PTPRK: variants seen among roughly 807,000 people sequenced by gnomAD.
PTPRK encodes the protein protein tyrosine phosphatase receptor type K.
In PTPRK, 75 loss-of-function variants were observed where a neutral mutation model predicts 178.0. The observed-to-expected ratio is 0.42, with a 90% CI of 0.35 to 0.51. The LOEUF is 0.51. Among genes scored for constraint, PTPRK ranks in the 20% least tolerant of loss-of-function variants. PTPRK has a pLI of 0.02. For missense variants in PTPRK, 1,441 were observed against 1,797.8 expected, an observed-to-expected ratio of 0.80 and a Z score of 3.59; for synonymous variants, 637 against 620.6, an observed-to-expected ratio of 1.03 and a Z score of -0.39.
intron 5 of PTPRK, among the ~76,000 whole-genome samples, chr6:128,237,790 T>C (rs1362681895): frequency 1.3e-5 from 2 of 152,084 alleles, no homozygotes; most frequent in African/African-American, 4.8e-5. Flanking sequence ...AGTTAGCTGG[T>C]AGATTCACTT....
chr6:128,199,569 A>AAGGAAGGGAGGG (rs1805527653), intron 6 of PTPRK, among the ~76,000 whole-genome samples: 2 of 131,022 alleles, frequency 1.5e-5, no homozygotes, highest in African/African-American at 3.1e-5. Flanking sequence ...TATATCAAGG[A>AAGGAAGGGAGGG]AGGAAGGGAG....
At chr6:128,033,541 G>A (rs1775702080) in intron 13 of PTPRK, among the ~76,000 whole-genome samples, 1 of 152,112 alleles carries the variant, frequency 6.6e-6, no homozygotes, top group Non-Finnish European at 1.5e-5. Context: ...AGGAAATGGT[G>A]GCTTTACATT....
At chr6:128,258,944 C>G (rs1817762689) in intron 3 of PTPRK, among the ~76,000 whole-genome samples, 1 of 152,124 alleles carries the variant, frequency 6.6e-6, no homozygotes, top group Non-Finnish European at 1.5e-5. Flanking sequence ...TTTATTGACT[C>G]CATTGAGAAG....
intron 3 of PTPRK, among the ~76,000 whole-genome samples, chr6:128,247,233 G>GA (rs1169646147): frequency 1.3e-5 from 2 of 151,986 alleles, no homozygotes; most frequent in South Asian, 2.1e-4. Context: ...AGAAAAATCT[G>GA]AAAAAAATTT....
At chr6:127,983,493 G>A in intron 22 of PTPRK, 116 bp from the exon 23 acceptor site, 1 of 1,083,592 alleles carries the variant, frequency 9.2e-7, no homozygotes, top group Non-Finnish European at 1.3e-6. Flanking sequence ...CAAACTGCAA[G>A]GCACAGCACT....
intron 2 of PTPRK, among the ~76,000 whole-genome samples, chr6:128,389,196 T>C (rs925574213): frequency 4.6e-5 from 7 of 152,002 alleles, no homozygotes; most frequent in Non-Finnish European, 1.0e-4. Context: ...GGAGTAGAGG[T>C]CTTTACAACA....
rs910606313 is a variant in PTPRK at position 128,247,061 on chromosome 6, G to A, written c.496-4459C>T. ...TTGGAAGCCTGGGATCTACTATCAC[G>A]TGTAACCCAAGCAAGTTATTAATAT... On this transcript the variant is annotated intron_variant, in intron 3 of 29. Coordinates refer to ENST00000368226, the MANE Select transcript of PTPRK (RefSeq NM_002844.4). 3.9e-5 allele frequency among the ~76,000 whole-genome samples: 6 copies of A among 152,248 alleles called. No individual in the cohort carries two copies. In the East Asian group the frequency reaches 5.8e-4, roughly 15 times the overall value.
chr6:128,238,561 C>A (rs928698742), intron 5 of PTPRK, among the ~76,000 whole-genome samples: 20 of 152,234 alleles, frequency 1.3e-4, no homozygotes, highest in African/African-American at 4.3e-4. Flanking sequence ...CAACTAAAGC[C>A]AAATGCCAGC....
At chr6:128,170,001 G>A (rs1800009596) in intron 7 of PTPRK, among the ~76,000 whole-genome samples, 1 of 151,964 alleles carries the variant, frequency 6.6e-6, no homozygotes, top group Non-Finnish European at 1.5e-5. Flanking sequence ...TCAAATTATA[G>A]TAGGCATCTT....
intron 13 of PTPRK, among the ~76,000 whole-genome samples, chr6:128,050,938 T>C (rs1436863448): frequency 1.3e-5 from 2 of 152,218 alleles, no homozygotes; most frequent in Admixed American, 6.5e-5. Context: ...ATTTAAATTC[T>C]TTCACATTGT....
intron 6 of PTPRK, among the ~76,000 whole-genome samples, chr6:128,204,034 G>A (rs1218007624): frequency 6.6e-6 from 1 of 152,082 alleles, no homozygotes; most frequent in African/African-American, 2.4e-5. Flanking sequence ...ACAGTATAAG[G>A]CTACAGTAAC....
At chr6:128,373,369 C>T (rs996996190) in intron 2 of PTPRK, among the ~76,000 whole-genome samples, 3 of 152,278 alleles carry the variant, frequency 2.0e-5, no homozygotes, top group Non-Finnish European at 4.4e-5. Context: ...ACACAAAACA[C>T]GCACATCCTC....
intron 1 of PTPRK, among the ~76,000 whole-genome samples, chr6:128,513,408 A>G (rs1366699168): frequency 1.3e-5 from 2 of 151,586 alleles, no homozygotes; most frequent in African/African-American, 4.8e-5. Flanking sequence ...TCTTGAACCC[A>G]GGAGGCAGAA....
chr6:128,156,198 G>A (rs1254034241), intron 7 of PTPRK, among the ~76,000 whole-genome samples: 2 of 151,746 alleles, frequency 1.3e-5, no homozygotes, highest in East Asian at 3.9e-4. Flanking sequence ...TTATAAATTA[G>A]ACCTGAAATA....
At chr6:128,360,762 A>G (rs1212453764) in intron 2 of PTPRK, among the ~76,000 whole-genome samples, 1 of 152,106 alleles carries the variant, frequency 6.6e-6, no homozygotes, top group African/African-American at 2.4e-5. Context: ...AGGAAACTAA[A>G]AAGTGTAGGG....
chr6:128,274,239 CT>C (rs1427883616), intron 3 of PTPRK, among the ~76,000 whole-genome samples: 1 of 152,038 alleles, frequency 6.6e-6, no homozygotes, highest in Non-Finnish European at 1.5e-5. Flanking sequence ...TTGTTACTGC[CT>C]TAAATTTCCT....
intron 7 of PTPRK, among the ~76,000 whole-genome samples, chr6:128,136,139 G>A (rs187709241): frequency 6.6e-6 from 1 of 152,284 alleles, no homozygotes; most frequent in East Asian, 1.9e-4. Context: ...AGGACACAGT[G>A]ATAAAGTGGC....
intron 6 of PTPRK, among the ~76,000 whole-genome samples, chr6:128,206,659 T>C (rs908939970): frequency 4.6e-5 from 7 of 152,162 alleles, no homozygotes; most frequent in Non-Finnish European, 1.0e-4. Flanking sequence ...ATCTCAAAAG[T>C]AGCTTCATAT....
chr6:128,299,488 T>G (rs1439385714), intron 3 of PTPRK, among the ~76,000 whole-genome samples: 2 of 151,888 alleles, frequency 1.3e-5, no homozygotes, highest in Non-Finnish European at 2.9e-5. Context: ...AAGGCTACAG[T>G]AACCAAAACA....
Sources: gnomAD v4.1 joint callset for allele counts (sites outside exome capture counted in the v4.1 genomes callset) on GRCh38, gnomAD v4.1.1 for gene constraint, MANE v1.5 for transcripts, NCBI Gene and HGNC (gene_info 2026-07-23, HGNC 2026-07-21) for gene names.